Variants in ZNF804A observed in about 807,000 individuals in gnomAD.
ZNF804A encodes zinc finger protein 804A.
Under a neutral mutation model 16.5 loss-of-function variants are expected in ZNF804A, and 2 were observed. That is an observed-to-expected ratio of 0.12 (90% CI 0.05 to 0.38). The LOEUF is 0.38. Among genes scored for constraint, ZNF804A ranks in the 10% least tolerant of loss-of-function variants. ZNF804A has a pLI of 0.99. For missense variants in ZNF804A, 1,473 were observed against 1,390.7 expected (o/e 1.06, Z -0.94); for synonymous variants, 534 against 489.6 (o/e 1.09, Z -1.20).
chr2:184,600,450 T>C (rs1164639334), intron 1 of ZNF804A, among the ~76,000 whole-genome samples: 2 of 152,218 alleles, frequency 1.3e-5, no homozygotes, highest in Non-Finnish European at 2.9e-5. Context: ...TCTTCTGCAG[T>C]CTTCTTTAGT....
intron 2 of ZNF804A, among the ~76,000 whole-genome samples, chr2:184,914,802 A>T (rs1460520507): frequency 3.0e-4 from 45 of 152,094 alleles, no homozygotes; most frequent in South Asian, 1.7e-3. Context: ...AACTGTGTCT[A>T]TATATTATTT....
intron 1 of ZNF804A, among the ~76,000 whole-genome samples, chr2:184,813,448 A>G (rs1183550147): frequency 6.6e-6 from 1 of 152,062 alleles, no homozygotes; most frequent in Non-Finnish European, 1.5e-5. Context: ...GTAATAGGAA[A>G]TAGGACATTT....
intron 2 of ZNF804A, among the ~76,000 whole-genome samples, chr2:184,891,080 T>C (rs992425280): frequency 6.6e-6 from 1 of 152,082 alleles, no homozygotes; most frequent in African/African-American, 2.4e-5. Flanking sequence ...TTCCCACAAT[T>C]AGATCTTGTA....
intron 1 of ZNF804A, among the ~76,000 whole-genome samples, chr2:184,693,178 G>A (rs755549653): frequency 6.5e-4 from 99 of 151,846 alleles, no homozygotes; most frequent in African/African-American, 2.1e-3. Context: ...TTATTTTTTC[G>A]TATTATTATA....
chr2:184,759,285 T>C (rs1371162462), intron 1 of ZNF804A, among the ~76,000 whole-genome samples: 1 of 151,588 alleles, frequency 6.6e-6, no homozygotes, highest in Non-Finnish European at 1.5e-5. Context: ...CTAAATGCAA[T>C]GGATCCTGGA....
chr2:184,929,242 T>C (rs1685657280), intron 2 of ZNF804A, among the ~76,000 whole-genome samples: 1 of 152,186 alleles, frequency 6.6e-6, no homozygotes. Context: ...ATTGACTGAC[T>C]CCTCAATATT....
chr2:184,602,254 T>C (rs923102096), intron 1 of ZNF804A, among the ~76,000 whole-genome samples: 1 of 151,966 alleles, frequency 6.6e-6, no homozygotes, highest in Admixed American at 6.5e-5. Flanking sequence ...TAAATTTTCA[T>C]TTTGCAATGT....
At chr2:184,865,045 A>C (rs1191971610) in intron 1 of ZNF804A, among the ~76,000 whole-genome samples, 1 of 151,696 alleles carries the variant, frequency 6.6e-6, no homozygotes, top group Non-Finnish European at 1.5e-5. Flanking sequence ...ATGCCTGGTT[A>C]ATTTTTATAT....
Position 184,936,305 on chromosome 2 carries a change from AG to A in ZNF804A, c.910del (p.Asp304MetfsTer28). 1 of 1,613,868 alleles carries A rather than the reference AG, an allele frequency of 6.2e-7. No individual in the cohort carries two copies. Among genetic ancestry groups the A allele is most frequent in the Non-Finnish European group, 8.5e-7 (1 of 1,179,884 alleles). On this transcript the variant is annotated frameshift_variant, in exon 4 of 4. Transcript: ENST00000302277. LOFTEE classifies it low-confidence loss of function (END_TRUNC). ...AGATAAAAGAAGTCTCTAGTGAAAA[AG>A]ATGCATTATTATTACCTTCATTTTG... ...QEIKEVSSEK[D>X]ALLLPSFCKF...
chr2:184,837,849 A>G (rs1288844871), intron 1 of ZNF804A, among the ~76,000 whole-genome samples: 3 of 152,132 alleles, frequency 2.0e-5, no homozygotes, highest in African/African-American at 7.2e-5. Flanking sequence ...CTCTGCCCTC[A>G]TCCACTGCCA....
chr2:184,895,503 G>A (rs1490570885), intron 2 of ZNF804A, among the ~76,000 whole-genome samples: 5 of 152,106 alleles, frequency 3.3e-5, no homozygotes, highest in African/African-American at 1.2e-4. Flanking sequence ...GCAACTAGGT[G>A]CTCATTAAAA....
chr2:184,663,855 C>G (rs1183752691), intron 1 of ZNF804A, among the ~76,000 whole-genome samples: 1 of 152,180 alleles, frequency 6.6e-6, no homozygotes, highest in Non-Finnish European at 1.5e-5. Context: ...CAGTATTAAT[C>G]TCAGTCTCCT....
chr2:184,866,294 T>C lies in ZNF804A; in HGVS notation c.112-75T>C, dbSNP rs1462965978. On this transcript the variant is annotated intron_variant, in intron 1 of 3. Coordinates refer to ENST00000302277, the MANE Select transcript of ZNF804A (RefSeq NM_194250.2). Reference sequence around the variant, plus strand: ...GTTTCTAACTCTAATTATTGTACTATAGTTGACAACTGCTAAAACAAAGTA... The same window carrying C: ...GTTTCTAACTCTAATTATTGTACTACAGTTGACAACTGCTAAAACAAAGTA... The C allele has an allele frequency of 1.8e-5, 25 of 1,400,974 alleles. No individual in the cohort carries two copies. In the East Asian group the frequency reaches 4.1e-4, roughly 23 times the overall value. 86.8% of individuals were successfully genotyped at this position (1,400,974 alleles called of 1,614,324 possible).
chr2:184,930,902 C>A (rs758011762), intron 2 of ZNF804A, among the ~76,000 whole-genome samples: 2 of 152,048 alleles, frequency 1.3e-5, no homozygotes, highest in Admixed American at 1.3e-4. Context: ...AAAGACATAC[C>A]AGAAACTGGG....
intron 2 of ZNF804A, among the ~76,000 whole-genome samples, chr2:184,886,405 G>C (rs1435803314): frequency 6.6e-6 from 1 of 152,164 alleles, no homozygotes; most frequent in African/African-American, 2.4e-5. Flanking sequence ...GGCACACAGT[G>C]CAAGTTGTCA....
intron 1 of ZNF804A, among the ~76,000 whole-genome samples, chr2:184,864,595 C>A (rs941371908): frequency 6.6e-6 from 1 of 152,092 alleles, no homozygotes; most frequent in Non-Finnish European, 1.5e-5. Flanking sequence ...GCCTCCCAAA[C>A]CATGGTGAAC....
chr2:184,604,662 A>G (rs1691112653), intron 1 of ZNF804A, among the ~76,000 whole-genome samples: 1 of 152,170 alleles, frequency 6.6e-6, no homozygotes, highest in South Asian at 2.1e-4. Flanking sequence ...TCTACGCTAC[A>G]TTCTGTTGCT....
intron 1 of ZNF804A, among the ~76,000 whole-genome samples, chr2:184,696,497 T>C (rs1289531642): frequency 6.6e-6 from 1 of 152,162 alleles, no homozygotes; most frequent in East Asian, 1.9e-4. Flanking sequence ...TAGAATGTTG[T>C]TCTAAAGGAT....
At chr2:184,780,702 G>A (rs910133153) in intron 1 of ZNF804A, among the ~76,000 whole-genome samples, 3 of 151,744 alleles carry the variant, frequency 2.0e-5, no homozygotes, top group African/African-American at 7.3e-5. Flanking sequence ...TTATCTTGGA[G>A]AAATTATCCC....
Sources: gnomAD v4.1 joint callset for allele counts (sites outside exome capture counted in the v4.1 genomes callset) on GRCh38, gnomAD v4.1.1 for gene constraint, MANE v1.5 for transcripts, NCBI Gene and HGNC (gene_info 2026-07-23, HGNC 2026-07-21) for gene names.